The following NLGN1 variants were observed in gnomAD, a reference collection of about 807,000 sequenced individuals.
The protein encoded by NLGN1 is neuroligin 1.
NLGN1 carries 12 observed loss-of-function variants against 65.5 expected under a neutral mutation model. That is an observed-to-expected ratio of 0.18 (90% confidence interval 0.12 to 0.30). The LOEUF (loss-of-function observed/expected upper bound fraction) is 0.30, where lower values mean the gene tolerates loss of function less well. Among genes scored for constraint, NLGN1 ranks in the 10% least tolerant of loss-of-function variants. NLGN1 has a pLI of 1.00. For missense variants in NLGN1, 750 were observed against 1,007.1 expected, an observed-to-expected ratio of 0.74 and a Z score of 3.46; for synonymous variants, 350 against 359.5, an observed-to-expected ratio of 0.97 and a Z score of 0.30.
intron 4 of NLGN1, among the ~76,000 whole-genome samples, chr3:174,154,003 C>T (rs1247303852): frequency 6.6e-6 from 1 of 151,952 alleles, no homozygotes; most frequent in African/African-American, 2.4e-5. Context: ...AAAGAGTGAA[C>T]CACAATGTAA....
intron 2 of NLGN1, among the ~76,000 whole-genome samples, chr3:173,581,974 C>G (rs1393768974): frequency 6.6e-6 from 1 of 151,952 alleles, no homozygotes; most frequent in Non-Finnish European, 1.5e-5. Context: ...CCCACAGTAA[C>G]CTCTACCCTG....
chr3:173,870,853 T>G (rs926243010), intron 4 of NLGN1, among the ~76,000 whole-genome samples: 1 of 152,132 alleles, frequency 6.6e-6, no homozygotes, highest in African/African-American at 2.4e-5. Context: ...CATCTTAAAC[T>G]CCAATATTTG....
chr3:173,639,171 T>C (rs1404878325), intron 3 of NLGN1, among the ~76,000 whole-genome samples: 1 of 152,210 alleles, frequency 6.6e-6, no homozygotes, highest in African/African-American at 2.4e-5. Flanking sequence ...CCATTAAGAA[T>C]AAAATATTCA....
At chr3:173,619,683 A>T (rs1033372492) in intron 3 of NLGN1, among the ~76,000 whole-genome samples, 1 of 152,204 alleles carries the variant, frequency 6.6e-6, no homozygotes, top group African/African-American at 2.4e-5. Context: ...CCACAGTTAG[A>T]AAGTGGCAGA....
intron 4 of NLGN1, among the ~76,000 whole-genome samples, chr3:174,107,011 C>CAGAG (rs1194861514): frequency 3.6e-4 from 42 of 115,160 alleles, no homozygotes; most frequent in Middle Eastern, 4.3e-3. Flanking sequence ...CACACACACA[C>CAGAG]ACACACAGAG....
chr3:174,109,459 A>G (rs532524281), intron 4 of NLGN1, among the ~76,000 whole-genome samples: 6 of 152,042 alleles, frequency 3.9e-5, no homozygotes, highest in African/African-American at 9.6e-5. Context: ...TTCCTCACTT[A>G]TAAGGACTCC....
intron 4 of NLGN1, among the ~76,000 whole-genome samples, chr3:174,152,135 A>G (rs1030140566): frequency 2.8e-5 from 4 of 143,354 alleles, no homozygotes; most frequent in Non-Finnish European, 6.0e-5. Context: ...GTGAGAAATA[A>G]AAATCATTAA....
chr3:173,514,416 C>T (rs116277357), intron 2 of NLGN1, among the ~76,000 whole-genome samples: 3,614 of 152,000 alleles, frequency 0.024, 55 homozygotes, highest in Middle Eastern at 0.048. Flanking sequence ...TACCCAAAGT[C>T]CATTATATCA....
intron 4 of NLGN1, among the ~76,000 whole-genome samples, chr3:173,976,435 A>G (rs1386294643): frequency 6.6e-6 from 1 of 151,998 alleles, no homozygotes; most frequent in Non-Finnish European, 1.5e-5. Flanking sequence ...TTTTGGAGCT[A>G]TTACAGACAA....
intron 4 of NLGN1, among the ~76,000 whole-genome samples, chr3:174,025,873 C>T (rs1001376241): frequency 6.6e-6 from 1 of 152,104 alleles, no homozygotes; most frequent in Non-Finnish European, 1.5e-5. Flanking sequence ...TTCTTATATT[C>T]ACCAAGAGAC....
intron 3 of NLGN1, among the ~76,000 whole-genome samples, chr3:173,797,362 C>T (rs1714329288): frequency 6.6e-6 from 1 of 151,956 alleles, no homozygotes; most frequent in South Asian, 2.1e-4. Context: ...TAAGAACACC[C>T]AGATATACTG....
chr3:173,660,732 A>G (rs1388658788), intron 3 of NLGN1, among the ~76,000 whole-genome samples: 2 of 151,942 alleles, frequency 1.3e-5, no homozygotes, highest in East Asian at 3.9e-4. Flanking sequence ...CTACTAGTAT[A>G]AAATGAAAAA....
the NLGN1 span, among the ~76,000 whole-genome samples, chr3:174,293,848 A>AT: frequency 3.3e-3 from 497 of 151,492 alleles, 2 homozygotes; most frequent in African/African-American, 0.011. Context: ...AGATTTTACA[A>AT]TTTTTTTTGC....
chr3:173,532,325 G>A (rs1736715155), intron 2 of NLGN1, among the ~76,000 whole-genome samples: 1 of 152,172 alleles, frequency 6.6e-6, no homozygotes, highest in African/African-American at 2.4e-5. Flanking sequence ...AGGGCAAATT[G>A]TGGATATTTC....
At chr3:173,832,189 C>T (rs1471945401) in intron 4 of NLGN1, among the ~76,000 whole-genome samples, 1 of 151,928 alleles carries the variant, frequency 6.6e-6, no homozygotes, top group Non-Finnish European at 1.5e-5. Context: ...GTCTTGAACT[C>T]CTGGGCTCAA....
chr3:174,013,132 G>C (rs73880310), intron 4 of NLGN1, among the ~76,000 whole-genome samples: 8,163 of 152,234 alleles, frequency 0.054, 690 homozygotes, highest in African/African-American at 0.18. Flanking sequence ...AAGTCTTCCA[G>C]ATAGCTCCTC....
chr3:173,793,028 G>C (rs1452277871), intron 3 of NLGN1, among the ~76,000 whole-genome samples: 1 of 152,066 alleles, frequency 6.6e-6, no homozygotes, highest in East Asian at 1.9e-4. Context: ...AGTTCTCTTA[G>C]AGTGCTTGCA....
chr3:173,451,484 C>T (rs993963768), intron 2 of NLGN1, among the ~76,000 whole-genome samples: 2 of 152,160 alleles, frequency 1.3e-5, no homozygotes, highest in African/African-American at 2.4e-5. Flanking sequence ...GGGGGTGCCT[C>T]CCAGTTAGGC....
chr3:174,264,960 C>T (rs1423620330), intron 4 of NLGN1, among the ~76,000 whole-genome samples: 3 of 152,140 alleles, frequency 2.0e-5, no homozygotes, highest in African/African-American at 7.2e-5. Context: ...TGTCAGTGTG[C>T]CCCTGCTGGG....
Sources: gnomAD v4.1 joint callset for allele counts (sites outside exome capture counted in the v4.1 genomes callset) on GRCh38, gnomAD v4.1.1 for gene constraint, MANE v1.5 for transcripts, NCBI Gene and HGNC (gene_info 2026-07-23, HGNC 2026-07-21) for gene names.